The following AGBL1 variants were observed in gnomAD, a reference collection of about 807,000 sequenced individuals.
AGBL1 encodes AGBL carboxypeptidase 1.
In AGBL1, 130 loss-of-function variants were observed where a neutral mutation model predicts 118.9. The observed-to-expected ratio is 1.09, with a 90% CI of 0.95 to 1.26. The LOEUF (loss-of-function observed/expected upper bound fraction) is 1.26. AGBL1 is among the 50% of genes most tolerant of loss of function. The pLI, the probability that AGBL1 is intolerant of heterozygous loss-of-function variation, is 0.00. For synonymous variants in AGBL1, 555 were observed against 478.9 expected, an observed-to-expected ratio of 1.16 and a Z score of -2.08; for missense variants, 1,584 against 1,298.1, an observed-to-expected ratio of 1.22 and a Z score of -3.38.
chr15:86,890,341 T>A (rs553463061), intron 22 of AGBL1, among the ~76,000 whole-genome samples: 2 of 152,250 alleles, frequency 1.3e-5, no homozygotes, highest in East Asian at 3.9e-4. Context: ...CTGTAGGTTG[T>A]TTTTTCACTC....
intron 24 of AGBL1, among the ~76,000 whole-genome samples, chr15:87,004,994 G>C (rs746105274): frequency 8.5e-5 from 13 of 152,090 alleles, no homozygotes; most frequent in East Asian, 3.9e-4. Flanking sequence ...AAATTATTTT[G>C]TTTAAGAATG....
intron 21 of AGBL1, among the ~76,000 whole-genome samples, chr15:86,557,267 C>T (rs376940400): frequency 9.3e-4 from 141 of 152,246 alleles, no homozygotes; most frequent in African/African-American, 3.2e-3. Context: ...CCTTTGGGGG[C>T]TCATTTTTTT....
intron 22 of AGBL1, among the ~76,000 whole-genome samples, chr15:86,785,739 G>A (rs2078403427): frequency 6.6e-6 from 1 of 152,264 alleles, no homozygotes; most frequent in African/African-American, 2.4e-5. Context: ...ACAGATATCA[G>A]CAATGAAGCA....
rs1267443370 is a variant in AGBL1 at position 86,371,962 on chromosome 15, G to A, written c.2375-25404G>A. The stretch of plus-strand genomic sequence containing the variant: ...GGCAGTGGCCACTTCCATCTGGGGC[G>A]GGGGTACCTGGCATCCCTCAGACAT... On this transcript the variant is annotated intron_variant, in intron 17 of 22. Coordinates refer to ENST00000614907, the MANE Select transcript of AGBL1 (RefSeq NM_001386094.1). Among the ~76,000 whole-genome samples the A allele has an allele frequency of 3.3e-5, 5 of 152,252 alleles. No individual in the cohort carries two copies. In the East Asian group the frequency reaches 7.7e-4, roughly 24 times the overall value.
chr15:86,109,541 T>G (rs1306749400), intron 1 of AGBL1, among the ~76,000 whole-genome samples: 3 of 152,260 alleles, frequency 2.0e-5, no homozygotes, highest in Non-Finnish European at 4.4e-5. Context: ...CAACCTCTTC[T>G]GTAGCATGGT....
At chr15:87,025,828 G>A (rs1432026640) in intron 24 of AGBL1, among the ~76,000 whole-genome samples, 1 of 152,044 alleles carries the variant, frequency 6.6e-6, no homozygotes, top group Admixed American at 6.6e-5. Flanking sequence ...TAATGGAACA[G>A]AGTAGAGAAC....
rs1234668639 is a variant in AGBL1, at chr15:86,269,795, C to T, written c.1839-124C>T. The T allele has an allele frequency of 3.5e-6, 4 of 1,131,630 alleles. No individual in the cohort carries two copies. The African/African-American group carries it at 4.7e-5, about 13-fold the overall frequency. The allele number at this position is 1,131,630 out of a possible 1,614,324, so 70.1% of individuals were successfully genotyped here. A position where few individuals can be genotyped will look rare whatever the true frequency, so the allele number is the denominator to read the frequency against. On this transcript the variant is annotated intron_variant, in intron 13 of 22. Coordinates refer to ENST00000614907, the MANE Select transcript of AGBL1 (RefSeq NM_001386094.1). ...TATCAGGATGATAAGTATAACTTACCAGCTGGCTGAGATCCTGGGTCTTAG... is the reference window on the plus strand; with the variant it reads ...TATCAGGATGATAAGTATAACTTACTAGCTGGCTGAGATCCTGGGTCTTAG...
chr15:86,079,771 C>T, upstream of AGBL1: 1 of 388,092 alleles, frequency 2.6e-6, no homozygotes, highest in East Asian at 3.7e-5. Flanking sequence ...CACCTAATCC[C>T]CACAGTGGGA....
At chr15:86,573,675 A>C (rs1265331746) in intron 21 of AGBL1, among the ~76,000 whole-genome samples, 3 of 152,190 alleles carry the variant, frequency 2.0e-5, no homozygotes, top group African/African-American at 7.2e-5. Flanking sequence ...GGAGTATGTA[A>C]GAACATGATC....
chr15:87,028,985 C>G (rs2081761587), exon 25 of AGBL1: 4 of 762,424 alleles, frequency 5.2e-6, no homozygotes, highest in Non-Finnish European at 6.4e-6. Flanking sequence ...ACTCCCTTAT[C>G]TAGTATATCT....
chr15:86,566,007 A>G (rs4887484), intron 21 of AGBL1, among the ~76,000 whole-genome samples: 92,584 of 152,072 alleles, frequency 0.61, 29,082 homozygotes, highest in East Asian at 0.91. Context: ...GGAGTGACCC[A>G]ATTTTCCAGG....
intron 1 of AGBL1, among the ~76,000 whole-genome samples, chr15:86,135,493 C>T (rs945565749): frequency 2.0e-5 from 3 of 152,162 alleles, no homozygotes; most frequent in Non-Finnish European, 4.4e-5. Context: ...AGCTGTGCAC[C>T]TTGTAAACTT....
chr15:86,571,939 C>G (rs1259789755), intron 21 of AGBL1, among the ~76,000 whole-genome samples: 1 of 152,208 alleles, frequency 6.6e-6, no homozygotes, highest in Non-Finnish European at 1.5e-5. Flanking sequence ...TAAGGGAAGC[C>G]TGAAGGCCAG....
chr15:87,028,367 G>T (rs2081754805), intron 24 of AGBL1, among the ~76,000 whole-genome samples: 1 of 151,932 alleles, frequency 6.6e-6, no homozygotes, highest in South Asian at 2.1e-4. Context: ...CTCAAACGTG[G>T]TTAGTGAGTA....
At chr15:86,131,182 C>G (rs1448596876) in intron 1 of AGBL1, among the ~76,000 whole-genome samples, 1 of 152,182 alleles carries the variant, frequency 6.6e-6, no homozygotes, top group Admixed American at 6.5e-5. Context: ...TCTTAATCAT[C>G]AAGCTGTACC....
chr15:86,253,676 C>T (rs2078852304), intron 7 of AGBL1, among the ~76,000 whole-genome samples: 1 of 152,152 alleles, frequency 6.6e-6, no homozygotes, highest in Admixed American at 6.5e-5. Flanking sequence ...AAGTTTGAAG[C>T]AGGAGACTGA....
rs562167662 is a variant in AGBL1 at position 86,249,746 on chromosome 15, C to A, written c.735+1867C>A. On this transcript the variant is annotated intron_variant, in intron 7 of 22. Coordinates refer to ENST00000614907, the MANE Select transcript of AGBL1 (RefSeq NM_001386094.1). ...TATTTCTCTGTTCTGTGCTAAAAAACCAACCAAACAATAAACAAAACAAAC... is the reference window on the plus strand; with the variant it reads ...TATTTCTCTGTTCTGTGCTAAAAAAACAACCAAACAATAAACAAAACAAAC... Among the ~76,000 whole-genome samples the A allele has an allele frequency of 6.6e-5, 10 of 152,208 alleles. No individual in the cohort carries two copies. The South Asian group carries it at 1.0e-3, about 16-fold the overall frequency.
intron 23 of AGBL1, among the ~76,000 whole-genome samples, chr15:86,955,378 G>A (rs1432262149): frequency 6.6e-6 from 1 of 151,886 alleles, no homozygotes; most frequent in East Asian, 1.9e-4. Context: ...GAAATCAGTG[G>A]CCCTAGCTAC....
intron 22 of AGBL1, among the ~76,000 whole-genome samples, chr15:86,788,995 T>C (rs2078454304): frequency 6.6e-6 from 1 of 152,196 alleles, no homozygotes; most frequent in African/African-American, 2.4e-5. Context: ...AAAGGCAAGC[T>C]TTGCAGAGTA....
Sources: allele counts gnomAD v4.1 joint callset (sites outside exome capture counted in the v4.1 genomes callset), GRCh38; gene constraint gnomAD v4.1.1; transcripts MANE v1.5; gene names NCBI Gene and HGNC (gene_info 2026-07-23, HGNC 2026-07-21).